The following TOX2 variants were observed in gnomAD, a reference collection of about 807,000 sequenced individuals.
TOX2 encodes TOX high mobility group box family member 2.
TOX2 carries 15 observed loss-of-function variants against 47.4 expected under a neutral mutation model. The observed-to-expected ratio is 0.32, with a 90% CI of 0.21 to 0.49. TOX2 has a LOEUF of 0.49. Ranked by LOEUF, TOX2 falls within the 20% of genes least tolerant of loss-of-function variation. The pLI is 0.99. For synonymous variants in TOX2, 290 were observed against 296.6 expected (o/e 0.98, Z 0.23); for missense variants, 622 against 673.1 (o/e 0.92, Z 0.84).
chr20:44,045,663 C>A (rs1569130215), intron 3 of TOX2, among the ~76,000 whole-genome samples: 1 of 152,122 alleles, frequency 6.6e-6, no homozygotes, highest in African/African-American at 2.4e-5. Context: ...CATAAATGGT[C>A]CAGTAAACTT....
At chr20:43,995,223 T>C (rs555154163) in intron 2 of TOX2, among the ~76,000 whole-genome samples, 2 of 152,258 alleles carry the variant, frequency 1.3e-5, no homozygotes, top group East Asian at 3.9e-4. Flanking sequence ...TGATGTATGG[T>C]GAGACTCGAA....
At chr20:43,945,661 G>C (rs2069456717) in intron 1 of TOX2, 2 of 457,122 alleles carry the variant, frequency 4.4e-6, no homozygotes, top group African/African-American at 2.0e-5. Context: ...GTACTTAGGG[G>C]CTGCCTCCCC....
intron 2 of TOX2, among the ~76,000 whole-genome samples, chr20:43,979,430 C>T (rs908458972): frequency 5.3e-5 from 8 of 152,030 alleles, no homozygotes; most frequent in South Asian, 2.1e-4. Flanking sequence ...TTAGAAACCA[C>T]GGGCAGAGTA....
intron 2 of TOX2, among the ~76,000 whole-genome samples, chr20:43,988,078 C>G (rs1302929798): frequency 1.3e-5 from 2 of 151,944 alleles, no homozygotes; most frequent in East Asian, 1.9e-4. Flanking sequence ...TGCTACCACA[C>G]CCAGCTAATT....
intron 3 of TOX2, among the ~76,000 whole-genome samples, chr20:44,013,304 T>C (rs2070812325): frequency 6.6e-6 from 1 of 152,144 alleles, no homozygotes; most frequent in Admixed American, 6.5e-5. Context: ...TGTTCTGAAC[T>C]ATTCCCCTCC....
At chr20:43,994,496 T>C (rs1195773206) in intron 2 of TOX2, among the ~76,000 whole-genome samples, 1 of 150,412 alleles carries the variant, frequency 6.6e-6, no homozygotes, top group African/African-American at 2.4e-5. Flanking sequence ...ATTGGAAAAC[T>C]GAGCTTCCTT....
At chr20:43,929,583 G>A (rs1163982350) in intron 1 of TOX2, among the ~76,000 whole-genome samples, 1 of 152,198 alleles carries the variant, frequency 6.6e-6, no homozygotes, top group Non-Finnish European at 1.5e-5. Flanking sequence ...TTACATGGCT[G>A]GCTCCTGCCC....
intron 1 of TOX2, among the ~76,000 whole-genome samples, chr20:43,927,411 C>A (rs2069181932): frequency 6.6e-6 from 1 of 150,696 alleles, no homozygotes; most frequent in Admixed American, 6.6e-5. Context: ...CGAATGGAGT[C>A]CTCAGAAATA....
At position 43,984,690 on chromosome 20, in the gene TOX2, A is replaced by G. The variant is rs139821199; in HGVS notation, c.165+11258A>G. Among the ~76,000 whole-genome samples, 204 of 152,290 alleles carry G rather than the reference A, an allele frequency of 1.3e-3. 2 individuals are homozygous for G. The highest frequency in any genetic ancestry group is 4.5e-3 in the African/African-American group (186 of 41,552). ...TTATGGTGCCTCCCCTGTCATAAAG[A>G]TATTTTTCATACAATGCAGTGAATG... On this transcript the variant is annotated intron_variant, in intron 2 of 8. Coordinates refer to ENST00000341197, the MANE Select transcript of TOX2 (RefSeq NM_001098797.2).
intron 3 of TOX2, among the ~76,000 whole-genome samples, chr20:44,031,218 T>C (rs2071145723): frequency 6.6e-6 from 1 of 152,124 alleles, no homozygotes; most frequent in South Asian, 2.1e-4. Flanking sequence ...CTTCCTCCAC[T>C]GTTTGCTGAG....
chr20:43,916,203 T>C lies in TOX2; in HGVS notation c.99+1213T>C, dbSNP rs2069053135. On this transcript the variant is annotated intron_variant, in intron 1 of 8. Transcript: ENST00000341197. This position sits in a 1 kb window ranked among gnomAD's most constrained non-coding sequence, Gnocchi z 5.0. ...CGCAGACGCGTGGGCTCCGTGGCGA[T>C]GCGGGGTGAGTGCGCGTCCAGTGGC... is the stretch of plus-strand genomic sequence containing the variant. 1.0e-6 allele frequency: 1 copy of C among 985,396 alleles called. No individual in the cohort carries two copies. Among genetic ancestry groups the C allele is most frequent in the African/African-American group, 1.7e-5 (1 of 57,238 alleles). 61.0% of individuals were successfully genotyped at this position (985,396 alleles called of 1,614,324 possible).
At chr20:44,066,232 C>T in intron 7 of TOX2, 125 bp downstream of exon 7, 7 of 1,076,450 alleles carry the variant, frequency 6.5e-6, no homozygotes, top group Non-Finnish European at 9.0e-6. Context: ...CCTGACCTCT[C>T]TGAGCCTCAG....
chr20:44,050,612 T>G (rs1301065744), intron 3 of TOX2, among the ~76,000 whole-genome samples: 1 of 152,204 alleles, frequency 6.6e-6, no homozygotes, highest in Non-Finnish European at 1.5e-5. Context: ...TTTCCAGAAG[T>G]AACCAGTTAG....
rs181007036 is a variant in TOX2, at chr20:44,044,322, T to A, written c.412-6984T>A. ...GGATAGCATGAGGAGATATACCTAA[T>A]GTAAATGATGAGTTAATGGGTGCAG... On this transcript the variant is annotated intron_variant, in intron 3 of 8. Coordinates refer to ENST00000341197, the MANE Select transcript of TOX2 (RefSeq NM_001098797.2). Among the ~76,000 whole-genome samples, 11 of 151,700 alleles carry A rather than the reference T, an allele frequency of 7.3e-5. No individual in the cohort carries two copies. The East Asian group carries it at 1.4e-3, about 19-fold the overall frequency.
At chr20:43,956,266 C>T (rs1322643410) in intron 1 of TOX2, among the ~76,000 whole-genome samples, 1 of 152,194 alleles carries the variant, frequency 6.6e-6, no homozygotes, top group East Asian at 1.9e-4. Flanking sequence ...GGGACAAAGA[C>T]TGTGTGTCCA....
intron 3 of TOX2, among the ~76,000 whole-genome samples, chr20:44,033,066 C>T (rs562092938): frequency 5.9e-5 from 9 of 152,296 alleles, no homozygotes; most frequent in Non-Finnish European, 1.0e-4. Context: ...GGCACCTGTG[C>T]GCTACAGCTA....
intron 3 of TOX2, among the ~76,000 whole-genome samples, 189 bp downstream of exon 3, chr20:44,006,981 G>C (rs2070695802): frequency 1.3e-5 from 2 of 152,262 alleles, no homozygotes; most frequent in Admixed American, 1.3e-4. Context: ...GTGGGACACG[G>C]TGGGTGGGCA....
chr20:44,026,242 TATATATAGACAC>T lies in TOX2; in HGVS notation c.411+19452_411+19463del, dbSNP rs1444775826. On this transcript the variant is annotated intron_variant, in intron 3 of 8. Coordinates refer to ENST00000341197, the MANE Select transcript of TOX2 (RefSeq NM_001098797.2). ...AAAGAAACTGTGATATATATATATA[TATATATAGACAC>T]ACACACACACAATGGAATACTACTC... 8.1e-4 allele frequency among the ~76,000 whole-genome samples: 82 copies of T among 101,254 alleles called. 11 individuals carry two copies. The highest frequency in any genetic ancestry group is 1.3e-3 in the African/African-American group (30 of 22,346). The allele number at this position is 101,254 out of a possible 152,430, so 66.4% of individuals were successfully genotyped here.
At chr20:44,037,777 A>G (rs1044296389) in intron 3 of TOX2, among the ~76,000 whole-genome samples, 1 of 152,192 alleles carries the variant, frequency 6.6e-6, no homozygotes, top group Non-Finnish European at 1.5e-5. Flanking sequence ...AGTGTCAGGT[A>G]GTTCTTTATA....
Sources: gnomAD v4.1 joint callset for allele counts (sites outside exome capture counted in the v4.1 genomes callset) on GRCh38, gnomAD v4.1.1 for gene constraint, Gnocchi (gnomAD v3.1) non-coding constraint, MANE v1.5 for transcripts, NCBI Gene and HGNC (gene_info 2026-07-23, HGNC 2026-07-21) for gene names.